SOX6: variants seen among roughly 807,000 people sequenced by gnomAD.
SOX6 encodes the protein SRY-box transcription factor 6, also known as transcription factor SOX-6.
A neutral mutation model predicts 97.8 loss-of-function variants in SOX6; 11 were observed. That is an observed-to-expected ratio of 0.11 (90% confidence interval 0.07 to 0.19). SOX6 has a LOEUF of 0.19. SOX6 is among the 10% of genes least tolerant of loss of function. The pLI, the probability that SOX6 is intolerant of heterozygous loss-of-function variation, is 1.00. For synonymous variants in SOX6, 360 were observed against 371.4 expected, an observed-to-expected ratio of 0.97 and a Z score of 0.35; for missense variants, 810 against 1,039.5, an observed-to-expected ratio of 0.78 and a Z score of 3.04.
intron 3 of SOX6, among the ~76,000 whole-genome samples, chr11:16,620,398 G>A (rs1474092859): frequency 1.3e-5 from 2 of 152,088 alleles, no homozygotes; most frequent in Non-Finnish European, 2.9e-5. Flanking sequence ...TGGGCATGAC[G>A]ATATAAAAAA....
chr11:16,502,287 G>A (rs1449900749), intron 4 of SOX6, among the ~76,000 whole-genome samples: 1 of 152,110 alleles, frequency 6.6e-6, no homozygotes, highest in African/African-American at 2.4e-5. Context: ...ACAGGAAGTG[G>A]AACATCACAC....
At chr11:16,212,499 T>C (rs1852259882) in intron 4 of SOX6, among the ~76,000 whole-genome samples, 1 of 152,176 alleles carries the variant, frequency 6.6e-6, no homozygotes, top group South Asian at 2.1e-4. Flanking sequence ...TGCATTGCTA[T>C]TGTATATTTG....
intron 3 of SOX6, among the ~76,000 whole-genome samples, chr11:16,647,775 A>T (rs1395699650): frequency 5.3e-5 from 8 of 152,220 alleles, no homozygotes; most frequent in Non-Finnish European, 4.4e-5. Flanking sequence ...ACTTAACCTT[A>T]TCTAGAGATA....
intron 4 of SOX6, among the ~76,000 whole-genome samples, chr11:16,608,276 A>G (rs144454393): frequency 1.8e-3 from 269 of 152,262 alleles, no homozygotes; most frequent in Middle Eastern, 3.4e-3. Flanking sequence ...AAATGTATGA[A>G]TGGTAGCTTG....
intron 9 of SOX6, among the ~76,000 whole-genome samples, chr11:16,063,233 G>C (rs979195691): frequency 6.6e-6 from 1 of 151,132 alleles, no homozygotes; most frequent in Admixed American, 6.6e-5. Flanking sequence ...TTGGATGTTA[G>C]TGACACTTTA....
At chr11:15,995,786 T>C (rs559103624) in intron 13 of SOX6, among the ~76,000 whole-genome samples, 3 of 152,310 alleles carry the variant, frequency 2.0e-5, no homozygotes, top group African/African-American at 7.2e-5. Flanking sequence ...GGGCTGATTA[T>C]TCACTAGAAA....
At chr11:16,170,376 A>T (rs188548040) in intron 6 of SOX6, among the ~76,000 whole-genome samples, 1 of 151,836 alleles carries the variant, frequency 6.6e-6, no homozygotes, top group South Asian at 2.1e-4. Context: ...AAAAAAAAAA[A>T]CCTTTCTATC....
At chr11:16,387,089 G>A (rs1473671588) in intron 1 of SOX6, among the ~76,000 whole-genome samples, 1 of 152,108 alleles carries the variant, frequency 6.6e-6, no homozygotes, top group Non-Finnish European at 1.5e-5. Context: ...TAATGTCCTC[G>A]TATCTTTGAT....
intron 1 of SOX6, among the ~76,000 whole-genome samples, chr11:16,469,818 A>AT (rs1416583891): frequency 6.6e-6 from 1 of 152,048 alleles, no homozygotes; most frequent in African/African-American, 2.4e-5. Context: ...TATTAAAAAT[A>AT]TTTTTTTCTC....
intron 4 of SOX6, among the ~76,000 whole-genome samples, chr11:16,509,809 T>C (rs1335383457): frequency 6.6e-6 from 1 of 152,084 alleles, no homozygotes; most frequent in African/African-American, 2.4e-5. Context: ...TATCCATTTA[T>C]GCAAAAGTAA....
Position 16,521,811 on chromosome 11 carries a change from C to A in SOX6, n.610-45423G>T, listed in dbSNP as rs1861069584. 2.0e-5 allele frequency among the ~76,000 whole-genome samples: 3 copies of A among 152,078 alleles called. No homozygotes were observed. The East Asian group carries it at 5.8e-4, about 29-fold the overall frequency. On this transcript the variant is annotated intron_variant and non_coding_transcript_variant, in intron 4 of 5. Transcript: ENST00000524520. Reference sequence around the variant, plus strand: ...GAGCTGATGGAGCTGAAAGCCAAGGCTCGAGAACTATGTGAAGAATGCAGA... The same window carrying A: ...GAGCTGATGGAGCTGAAAGCCAAGGATCGAGAACTATGTGAAGAATGCAGA...
intron 3 of SOX6, chr11:16,311,860 G>A (rs907592284): frequency 6.6e-6 from 1 of 152,046 alleles, no homozygotes; most frequent in Admixed American, 6.6e-5. Flanking sequence ...CAACTTATAA[G>A]CAAAGTAAAT....
At position 16,256,680 on chromosome 11, in the gene SOX6, A is replaced by G. The variant is rs552517478; in HGVS notation, c.446-22009T>C. Among the ~76,000 whole-genome samples, 3 of 152,052 alleles carry G rather than the reference A, an allele frequency of 2.0e-5. No homozygotes were observed. The South Asian group carries it at 6.2e-4, about 32-fold the overall frequency. On this transcript the variant is annotated intron_variant, in intron 3 of 15. Transcript: ENST00000683767. ...TGTCCCCTCTTACCACTGTTTTTCA[A>G]CATCATACTGGAAGTCCTAGCTAAT...
rs1853315946 is a variant in SOX6, at chr11:15,971,610, C to T, written c.*1199G>A. 1 of 152,420 alleles carries T rather than the reference C, an allele frequency of 6.6e-6. No homozygotes were observed. Among genetic ancestry groups the T allele is most frequent in the South Asian group, 2.1e-4 (1 of 4,824 alleles). 9.4% of individuals were successfully genotyped at this position (152,420 alleles called of 1,614,324 possible). ...TAAGTGTAAGACTATATACCTATAT[C>T]CCAATACACAGCCCTGCAGCCAGAT... On this transcript the variant is annotated 3_prime_UTR_variant, in exon 16 of 16. Transcript: ENST00000683767.
intron 11 of SOX6, among the ~76,000 whole-genome samples, chr11:16,049,405 A>G (rs1695964730): frequency 6.6e-6 from 1 of 152,188 alleles, no homozygotes; most frequent in Non-Finnish European, 1.5e-5. Context: ...TAAAAATTTC[A>G]AATAAATTTT....
At chr11:16,506,862 G>A (rs12786352) in intron 4 of SOX6, among the ~76,000 whole-genome samples, 26,168 of 151,942 alleles carry the variant, frequency 0.17, 2,296 homozygotes, top group African/African-American at 0.19. Flanking sequence ...TCAGGAGTTC[G>A]AGACCAGCCT....
intron 3 of SOX6, among the ~76,000 whole-genome samples, chr11:16,639,871 T>C (rs2134003214): frequency 6.6e-6 from 1 of 152,254 alleles, no homozygotes; most frequent in Non-Finnish European, 1.5e-5. Flanking sequence ...ACAATTTGAC[T>C]TCCTCTTTTC....
intron 3 of SOX6, among the ~76,000 whole-genome samples, chr11:16,291,529 C>T (rs921374910): frequency 5.3e-5 from 8 of 151,826 alleles, no homozygotes; most frequent in African/African-American, 1.7e-4. Context: ...AGGGTGTTCT[C>T]AATTCTAATG....
At chr11:16,432,591 T>C (rs1024763458) in intron 1 of SOX6, among the ~76,000 whole-genome samples, 4 of 152,116 alleles carry the variant, frequency 2.6e-5, no homozygotes, top group Middle Eastern at 3.2e-3. Context: ...CTCAGCTTTT[T>C]ACTACGTTAT....
Sources: allele counts gnomAD v4.1 joint callset (sites outside exome capture counted in the v4.1 genomes callset), GRCh38; gene constraint gnomAD v4.1.1; transcripts MANE v1.5; gene names NCBI Gene and HGNC (gene_info 2026-07-23, HGNC 2026-07-21).